IMMP1L: variants seen among roughly 807,000 people sequenced by gnomAD.
The protein encoded by IMMP1L is mitochondrial inner membrane protease subunit 1.
A neutral mutation model predicts 21.8 loss-of-function variants in IMMP1L; 24 were observed. The observed-to-expected ratio is 1.10, with a 90% CI of 0.80 to 1.55. The LOEUF (loss-of-function observed/expected upper bound fraction) is 1.55, where lower values mean the gene tolerates loss of function less well. IMMP1L is among the 40% of genes most tolerant of loss of function. The pLI is 0.00. For synonymous variants in IMMP1L, 46 were observed against 62.8 expected (o/e 0.73, Z 1.26); for missense variants, 195 against 200.7 (o/e 0.97, Z 0.17).
intron 1 of IMMP1L, among the ~76,000 whole-genome samples, chr11:31,501,787 CT>C (rs1955625173): frequency 7.4e-6 from 1 of 134,566 alleles, no homozygotes; most frequent in Non-Finnish European, 1.6e-5. Context: ...AACCCCATCT[CT>C]ACAAATAAAT....
At chr11:31,482,117 T>C (rs561244279) in intron 1 of IMMP1L, among the ~76,000 whole-genome samples, 138 of 152,188 alleles carry the variant, frequency 9.1e-4, no homozygotes, top group Middle Eastern at 3.4e-3. Flanking sequence ...GGGAGTATTT[T>C]ATAGAAAGTA....
chr11:31,490,345 G>C (rs935490477), intron 1 of IMMP1L, among the ~76,000 whole-genome samples: 2 of 151,804 alleles, frequency 1.3e-5, no homozygotes, highest in African/African-American at 4.8e-5. Context: ...CGTGGCGCGC[G>C]CCTGTAATCC....
intron 1 of IMMP1L, among the ~76,000 whole-genome samples, chr11:31,503,848 G>A (rs138213169): frequency 3.3e-5 from 5 of 152,294 alleles, no homozygotes; most frequent in East Asian, 1.9e-4. Flanking sequence ...CTCAAATTCT[G>A]AGAGAAAGAA....
chr11:31,494,152 A>C (rs1300634968), intron 1 of IMMP1L, among the ~76,000 whole-genome samples: 1 of 152,190 alleles, frequency 6.6e-6, no homozygotes, highest in African/African-American at 2.4e-5. Context: ...TCATTGCTCT[A>C]GCAGAGGTTC....
intron 4 of IMMP1L, among the ~76,000 whole-genome samples, chr11:31,437,986 G>T (rs1052144032): frequency 3.3e-5 from 5 of 152,170 alleles, no homozygotes; most frequent in African/African-American, 1.2e-4. Flanking sequence ...GAAACTGGAG[G>T]TGGATACTTG....
intron 1 of IMMP1L, among the ~76,000 whole-genome samples, chr11:31,495,200 C>A (rs1955393025): frequency 6.6e-6 from 1 of 152,198 alleles, no homozygotes; most frequent in South Asian, 2.1e-4. Context: ...GCATTTTGGT[C>A]AAAGCCATTC....
At chr11:31,495,828 T>C (rs985561172) in intron 1 of IMMP1L, among the ~76,000 whole-genome samples, 1 of 152,108 alleles carries the variant, frequency 6.6e-6, no homozygotes, top group Non-Finnish European at 1.5e-5. Flanking sequence ...TAAAAAAGAA[T>C]GAAGTTGGAC....
At chr11:31,483,698 G>A (rs948141718) in intron 1 of IMMP1L, among the ~76,000 whole-genome samples, 1 of 151,848 alleles carries the variant, frequency 6.6e-6, no homozygotes, top group African/African-American at 2.4e-5. Flanking sequence ...TATGATTGCC[G>A]TTTTCACTCT....
At chr11:31,439,973 A>G (rs7109706) in intron 4 of IMMP1L, among the ~76,000 whole-genome samples, 41,349 of 152,092 alleles carry the variant, frequency 0.27, 5,914 homozygotes, top group African/African-American at 0.35. Context: ...AAGTTTCACC[A>G]TAAGCAGGCA....
In IMMP1L at chr11:31,449,372, T is replaced by C. The variant is rs1953660888; in HGVS notation, c.321+6888A>G. 2.0e-5 allele frequency among the ~76,000 whole-genome samples: 3 copies of C among 152,194 alleles called. No individual in the cohort carries two copies. In the South Asian group the frequency reaches 6.2e-4, roughly 31 times the overall value. ...ATATTCAGGGTTTCAAACTATAACC[T>C]AAATACACAGTACACATTAAAGGAC... On this transcript the variant is annotated intron_variant, in intron 4 of 5. Coordinates refer to ENST00000532287, the MANE Select transcript of IMMP1L (RefSeq NM_001304274.2).
chr11:31,489,381 C>T (rs1955183879), intron 1 of IMMP1L, among the ~76,000 whole-genome samples: 1 of 152,096 alleles, frequency 6.6e-6, no homozygotes, highest in Non-Finnish European at 1.5e-5. Flanking sequence ...GTTATTAATA[C>T]ATAACATTTA....
intron 1 of IMMP1L, among the ~76,000 whole-genome samples, chr11:31,465,500 G>A (rs774838260): frequency 6.6e-6 from 1 of 151,796 alleles, no homozygotes; most frequent in Non-Finnish European, 1.5e-5. Context: ...AAGCAATATT[G>A]AGCAAAATGA....
At chr11:31,507,664 T>C (rs1344403760) in intron 1 of IMMP1L, among the ~76,000 whole-genome samples, 1 of 152,138 alleles carries the variant, frequency 6.6e-6, no homozygotes, top group African/African-American at 2.4e-5. Context: ...CCAGGATGGT[T>C]GGCAGGGGGG....
At chr11:31,470,444 A>AG (rs1954509369) in intron 1 of IMMP1L, among the ~76,000 whole-genome samples, 1 of 151,890 alleles carries the variant, frequency 6.6e-6, no homozygotes, top group African/African-American at 2.4e-5. Flanking sequence ...CAAAAAAAAA[A>AG]AGAATCAGGC....
At chr11:31,482,723 C>T (rs1195675316) in intron 1 of IMMP1L, among the ~76,000 whole-genome samples, 1 of 151,968 alleles carries the variant, frequency 6.6e-6, no homozygotes, top group African/African-American at 2.4e-5. Flanking sequence ...ACATGTGGAG[C>T]AACTAGAACT....
chr11:31,472,397 G>A (rs779150971), intron 1 of IMMP1L, among the ~76,000 whole-genome samples: 5 of 152,168 alleles, frequency 3.3e-5, no homozygotes, highest in East Asian at 1.9e-4. Flanking sequence ...TCAGCAATCC[G>A]TATTTTAACA....
At chr11:31,448,087 T>C (rs1466385368) in intron 4 of IMMP1L, among the ~76,000 whole-genome samples, 3 of 152,120 alleles carry the variant, frequency 2.0e-5, no homozygotes, top group Non-Finnish European at 2.9e-5. Flanking sequence ...AGCAGGCAGA[T>C]CACTTGAGGT....
At chr11:31,487,643 T>A (rs1040288274) in intron 1 of IMMP1L, among the ~76,000 whole-genome samples, 1 of 152,132 alleles carries the variant, frequency 6.6e-6, no homozygotes, top group Admixed American at 6.5e-5. Flanking sequence ...TGGGGCAGTT[T>A]TAGATATTTT....
chr11:31,497,794 G>C (rs1429614177), intron 1 of IMMP1L, among the ~76,000 whole-genome samples: 1 of 152,192 alleles, frequency 6.6e-6, no homozygotes, highest in Non-Finnish European at 1.5e-5. Flanking sequence ...TTTAGAAATA[G>C]TGGCAATGAT....
Sources: gnomAD v4.1 joint callset for allele counts (sites outside exome capture counted in the v4.1 genomes callset) on GRCh38, gnomAD v4.1.1 for gene constraint, MANE v1.5 for transcripts, NCBI Gene and HGNC (gene_info 2026-07-23, HGNC 2026-07-21) for gene names.